Variants in C3orf49 observed in about 807,000 individuals in gnomAD.
The protein encoded by C3orf49 is putative uncharacterized protein C3orf49.
Under a neutral mutation model 13.3 loss-of-function variants are expected in C3orf49, and 27 were observed. The observed-to-expected ratio is 2.02, with a 90% CI of 1.49 to 2.79. The LOEUF (loss-of-function observed/expected upper bound fraction) is 2.79, where lower values mean the gene tolerates loss of function less well. C3orf49 is among the 30% of genes most tolerant of loss of function. The probability of loss-of-function intolerance (pLI) is 0.00; values close to 1 mark genes in which losing one functional copy is unlikely to be tolerated. For missense variants in C3orf49, 242 were observed against 134.2 expected (o/e 1.80, Z -3.97); for synonymous variants, 87 against 47.6 (o/e 1.83, Z -3.40).
At chr3:63,819,791 G>C (rs1182946037) in intron 1 of C3orf49, among the ~76,000 whole-genome samples, 195 bp downstream of exon 1, 1 of 152,108 alleles carries the variant, frequency 6.6e-6, no homozygotes, top group Non-Finnish European at 1.5e-5. Context: ...TTGTAACAGG[G>C]AAAACCTTTC....
intron 6 of C3orf49, chr3:63,846,364 A>C (rs1358115982): frequency 4.0e-6 from 1 of 250,812 alleles, no homozygotes; most frequent in East Asian, 1.4e-4. Flanking sequence ...AAATTTCACA[A>C]GTTTTCTGAA....
At chr3:63,835,304 C>T in intron 5 of C3orf49, 1 of 1,613,128 alleles carries the variant, frequency 6.2e-7, no homozygotes, top group South Asian at 1.1e-5. Flanking sequence ...ATCATGAAGG[C>T]TAAATATATA....
chr3:63,779,783 A>G, the C3orf49 span: 1 of 152,224 alleles, frequency 6.6e-6, no homozygotes. Flanking sequence ...CGGCAATAGC[A>G]TACGGTAGGA....
At chr3:63,779,727 C>T in the C3orf49 span, 1 of 152,088 alleles carries the variant, frequency 6.6e-6, no homozygotes, top group African/African-American at 2.4e-5. Context: ...GATATGTAAC[C>T]CCAAGAAACT....
the C3orf49 span, among the ~76,000 whole-genome samples, chr3:63,793,404 C>T: frequency 1.3e-5 from 2 of 152,052 alleles, no homozygotes; most frequent in Admixed American, 1.3e-4. Context: ...TCAGCAACCC[C>T]CCTTTTATCC....
chr3:63,819,867 A>C (rs1028758498), intron 1 of C3orf49, among the ~76,000 whole-genome samples: 2 of 152,172 alleles, frequency 1.3e-5, no homozygotes, highest in African/African-American at 4.8e-5. Flanking sequence ...TCCTATGTTG[A>C]TATTTCAGCA....
At chr3:63,782,922 T>G in the C3orf49 span, 2 of 152,188 alleles carry the variant, frequency 1.3e-5, no homozygotes, top group Non-Finnish European at 2.9e-5. Context: ...TCAAAACAAT[T>G]TAATGACTAT....
upstream of C3orf49, among the ~76,000 whole-genome samples, chr3:63,817,791 A>G (rs1701341897): frequency 6.6e-6 from 1 of 152,178 alleles, no homozygotes; most frequent in Non-Finnish European, 1.5e-5. Context: ...ACATGCAGAC[A>G]TGCACACACA....
chr3:63,802,501 A>G, the C3orf49 span, among the ~76,000 whole-genome samples: 1 of 152,208 alleles, frequency 6.6e-6, no homozygotes, highest in Non-Finnish European at 1.5e-5. Flanking sequence ...TTGTTATGAA[A>G]CTGCTGCATA....
At chr3:63,785,287 T>A in the C3orf49 span, among the ~76,000 whole-genome samples, 2 of 151,840 alleles carry the variant, frequency 1.3e-5, no homozygotes, top group Non-Finnish European at 2.9e-5. Context: ...TTAGCCAGGA[T>A]GGTCTTGATC....
At chr3:63,834,266 T>C in intron 5 of C3orf49, 4 of 1,473,468 alleles carry the variant, frequency 2.7e-6, no homozygotes, top group Admixed American at 1.7e-5. Flanking sequence ...GATGAACACA[T>C]GAAAACATGT....
At chr3:63,835,431 G>T in intron 5 of C3orf49, 1 of 1,585,424 alleles carries the variant, frequency 6.3e-7, no homozygotes, top group Non-Finnish European at 8.6e-7. Context: ...CTGAATGGGG[G>T]AGAAGAGTTT....
At chr3:63,806,356 C>T in the C3orf49 span, among the ~76,000 whole-genome samples, 21 of 152,220 alleles carry the variant, frequency 1.4e-4, no homozygotes, top group African/African-American at 5.1e-4. Flanking sequence ...GATCAGCTCC[C>T]AAGTTAATTA....
the C3orf49 span, among the ~76,000 whole-genome samples, chr3:63,799,173 T>C: frequency 6.6e-6 from 1 of 152,190 alleles, no homozygotes; most frequent in African/African-American, 2.4e-5. Flanking sequence ...TATGCATGAT[T>C]ACGTGGTTGA....
intron 1 of C3orf49, among the ~76,000 whole-genome samples, 153 bp from the exon 2 acceptor site, chr3:63,823,097 A>G (rs1353383868): frequency 6.6e-6 from 1 of 151,500 alleles, no homozygotes; most frequent in African/African-American, 2.4e-5. Flanking sequence ...CTTTGGCTTT[A>G]TTTTTCTGTG....
chr3:63,812,775 T>C, the C3orf49 span, among the ~76,000 whole-genome samples: 1 of 152,222 alleles, frequency 6.6e-6, no homozygotes, highest in East Asian at 1.9e-4. Flanking sequence ...ATTTCTAAAC[T>C]TTTGGGTTTA....
At chr3:63,829,218 G>C (rs1701501960) in intron 3 of C3orf49, among the ~76,000 whole-genome samples, 2 of 152,096 alleles carry the variant, frequency 1.3e-5, no homozygotes, top group Non-Finnish European at 2.9e-5. Flanking sequence ...CTGTAGGTTT[G>C]GGGGGTATAG....
chr3:63,797,811 A>T, the C3orf49 span, among the ~76,000 whole-genome samples: 1 of 152,156 alleles, frequency 6.6e-6, no homozygotes, highest in Non-Finnish European at 1.5e-5. Flanking sequence ...AATATCAGGG[A>T]TTCTTAACAT....
intron 1 of C3orf49, 52 bp from the exon 2 acceptor site, chr3:63,823,198 T>G (rs1701420649): frequency 1.6e-6 from 1 of 609,586 alleles, no homozygotes; most frequent in East Asian, 2.8e-5. Flanking sequence ...TTTAAATTTT[T>G]CACTTTTAAC....
Sources: gnomAD v4.1 joint callset for allele counts (sites outside exome capture counted in the v4.1 genomes callset) on GRCh38, gnomAD v4.1.1 for gene constraint, MANE v1.5 for transcripts, NCBI Gene and HGNC (gene_info 2026-07-23, HGNC 2026-07-21) for gene names.